Variants in SEC61A2 observed in about 807,000 individuals in gnomAD.
The protein encoded by SEC61A2 is SEC61 translocon subunit alpha 2.
SEC61A2 carries 28 observed loss-of-function variants against 59.9 expected under a neutral mutation model. The observed-to-expected ratio is 0.47, with a 90% CI of 0.35 to 0.64. SEC61A2 has a LOEUF of 0.64. Among genes scored for constraint, SEC61A2 ranks in the 30% least tolerant of loss-of-function variants. The probability of loss-of-function intolerance (pLI) is 0.01; values close to 1 mark genes in which losing one functional copy is unlikely to be tolerated. For synonymous variants in SEC61A2, 202 were observed against 214.4 expected (o/e 0.94, Z 0.50); for missense variants, 340 against 585.9 (o/e 0.58, Z 4.33).
chr10:12,167,701 C>G (rs767173209), downstream of SEC61A2: 1 of 1,613,960 alleles, frequency 6.2e-7, no homozygotes, highest in South Asian at 1.1e-5. Context: ...CATATTTGGG[C>G]TTAAAATTTC....
chr10:12,169,497 C>T (rs1311777114), downstream of SEC61A2: 16 of 546,940 alleles, frequency 2.9e-5, no homozygotes, highest in Admixed American at 4.4e-4. The surrounding 1 kb of genome is among the most constrained non-coding windows in gnomAD (Gnocchi z 4.8). Flanking sequence ...CAAACCGAGT[C>T]GGGCCTGTGA....
Position 12,156,050 on chromosome 10 carries a change from A to C in SEC61A2, c.616+119A>C. On this transcript the variant is annotated intron_variant, in intron 7 of 11. Transcript: ENST00000298428. This position sits in a 1 kb window ranked among gnomAD's most constrained non-coding sequence, Gnocchi z 5.2. ...GGTTTGCTCTCCTAGGGGATAAGGA[A>C]TGCGAATTCTTCAAAACTTAATGAG... The C allele has an allele frequency of 1.0e-6, 1 of 983,856 alleles. No individual in the cohort carries two copies. The allele number at this position is 983,856 out of a possible 1,614,324, so 60.9% of individuals were successfully genotyped here.
rs745367283 is a variant in SEC61A2 at position 12,143,202 on chromosome 10, G to A, written c.220+7G>A. The A allele has an allele frequency of 2.7e-5, 43 of 1,597,252 alleles. No homozygotes were observed. Among genetic ancestry groups the A allele is most frequent in the African/African-American group, 8.1e-5 (6 of 74,534 alleles). On this transcript the variant is annotated splice_region_variant and intron_variant, in intron 4 of 11. Transcript: ENST00000298428. The surrounding 1 kb of genome is among the most constrained non-coding windows in gnomAD (Gnocchi z 4.8). ...ATTCTGGCTTCCAATAGAGGTATGC[G>A]TGTCTTTTCTGTCTCCACACTCCTA...
In SEC61A2 at chr10:12,154,449, A is replaced by G. The variant is rs1834351465; in HGVS notation, c.463-1329A>G. ...ACGATGCTTTCTGTGGCTGATGTTCATGGACGGCTGTTGCCTCCTGCATAG... is the reference window on the plus strand; with the variant it reads ...ACGATGCTTTCTGTGGCTGATGTTCGTGGACGGCTGTTGCCTCCTGCATAG... On this transcript the variant is annotated intron_variant, in intron 6 of 11. Transcript: ENST00000298428. The surrounding 1 kb of genome is among the most constrained non-coding windows in gnomAD (Gnocchi z 5.2). Among the ~76,000 whole-genome samples, 1 of 152,182 alleles carries G rather than the reference A, an allele frequency of 6.6e-6. No homozygotes were observed. The highest frequency in any genetic ancestry group is 1.5e-5 in the Non-Finnish European group (1 of 68,032).
At chr10:12,169,210 T>A, downstream of SEC61A2, 1 of 1,305,814 alleles carries the variant, frequency 7.7e-7, no homozygotes, top group Non-Finnish European at 1.1e-6. The surrounding 1 kb of genome is among the most constrained non-coding windows in gnomAD (Gnocchi z 4.8). Flanking sequence ...ATAGTAGCCC[T>A]CTCTCCACCT....
chr10:12,144,070 A>G (rs1482386176), intron 4 of SEC61A2, among the ~76,000 whole-genome samples: 1 of 151,976 alleles, frequency 6.6e-6, no homozygotes, highest in Admixed American at 6.6e-5. Context: ...GGTTCATGCC[A>G]TCCTCCCTCA....
rs1241849645 is a variant in SEC61A2 at position 12,145,434 on chromosome 10, G to A, written c.220+2239G>A. On this transcript the variant is annotated intron_variant, in intron 4 of 11. Coordinates refer to ENST00000298428, the MANE Select transcript of SEC61A2 (RefSeq NM_018144.4). This position sits in a 1 kb window ranked among gnomAD's most constrained non-coding sequence, Gnocchi z 4.4. ...AGTTGTTTGATTTTACACTCTCAGC[G>A]ACAGTATATGAGAATGACCATTTCT... Among the ~76,000 whole-genome samples the A allele has an allele frequency of 6.6e-6, 1 of 152,168 alleles. No homozygotes were observed.
At chr10:12,135,953 T>A in intron 2 of SEC61A2, 152 bp from the exon 3 acceptor site, 1 of 617,946 alleles carries the variant, frequency 1.6e-6, no homozygotes, top group Non-Finnish European at 2.9e-6. Context: ...ACTTTGTACC[T>A]AATAAACAAA....
In SEC61A2 at chr10:12,158,202, C is replaced by T; in HGVS notation, c.975+97C>T. 1 of 985,914 alleles carries T rather than the reference C, an allele frequency of 1.0e-6. No individual in the cohort carries two copies. Among genetic ancestry groups the T allele is most frequent in the Non-Finnish European group, 1.5e-6 (1 of 659,228 alleles). The allele number at this position is 985,914 out of a possible 1,614,324, so 61.1% of individuals were successfully genotyped here. ...AATGAGGTCGACATTGGAGCATTTG[C>T]TGTATTTTCAGATTCACTTACCTAT... On this transcript the variant is annotated intron_variant, in intron 9 of 11. Coordinates refer to ENST00000298428, the MANE Select transcript of SEC61A2 (RefSeq NM_018144.4). The surrounding 1 kb of genome is among the most constrained non-coding windows in gnomAD (Gnocchi z 5.7).
At position 12,137,330 on chromosome 10, in the gene SEC61A2, T is replaced by G. The variant is rs200466659; in HGVS notation, c.141+1160T>G. The stretch of plus-strand genomic sequence containing the variant: ...TGTTTTTTTGGTTTTTGTTTTTTGG[T>G]TTTTTTTTGAGACAGGGTCTCACTC... On this transcript the variant is annotated intron_variant, in intron 3 of 11. Coordinates refer to ENST00000298428, the MANE Select transcript of SEC61A2 (RefSeq NM_018144.4). 2.6e-5 allele frequency among the ~76,000 whole-genome samples: 4 copies of G among 151,380 alleles called. No individual in the cohort carries two copies. In the East Asian group the frequency reaches 7.7e-4, roughly 29 times the overall value.
rs1797222741 is a variant in SEC61A2, at chr10:12,161,979, CTT to C, written c.1168-233_1168-232del. 6.6e-6 allele frequency among the ~76,000 whole-genome samples: 1 copy of C among 152,030 alleles called. No homozygotes were observed. The highest frequency in any genetic ancestry group is 1.5e-5 in the Non-Finnish European group (1 of 68,018). ...TTGCAACCCTCCTGCAAAACAAAAT[CTT>C]GTTTGGTAATTGAAGAAGGGTTGAG... On this transcript the variant is annotated intron_variant, in intron 10 of 11. Coordinates refer to ENST00000298428, the MANE Select transcript of SEC61A2 (RefSeq NM_018144.4). This position sits in a 1 kb window ranked among gnomAD's most constrained non-coding sequence, Gnocchi z 5.4.
At chr10:12,146,085 A>T (rs1834130999) in intron 4 of SEC61A2, among the ~76,000 whole-genome samples, 1 of 152,114 alleles carries the variant, frequency 6.6e-6, no homozygotes. Context: ...CAATGGTGCG[A>T]TCTTGGCTCA....
chr10:12,165,300 G>A lies in SEC61A2; in HGVS notation c.*846G>A. The A allele has an allele frequency of 1.0e-6, 1 of 957,504 alleles. No individual in the cohort carries two copies. 59.3% of individuals were successfully genotyped at this position (957,504 alleles called of 1,614,324 possible). A position where few individuals can be genotyped will look rare whatever the true frequency, so the allele number is the denominator to read the frequency against. On this transcript the variant is annotated 3_prime_UTR_variant, in exon 12 of 12. Transcript: ENST00000298428. Reference sequence around the variant, plus strand: ...ATATTCATGCTAGGAATTTGTGTCTGTTGTTGTACTCACAGCAGCAACATG... The same window carrying A: ...ATATTCATGCTAGGAATTTGTGTCTATTGTTGTACTCACAGCAGCAACATG...
chr10:12,147,074 A>G (rs1007536959), intron 4 of SEC61A2, among the ~76,000 whole-genome samples: 3 of 152,060 alleles, frequency 2.0e-5, no homozygotes, highest in South Asian at 4.2e-4. Context: ...AATTTTTTGT[A>G]GAGACAGCAT....
chr10:12,140,623 T>G (rs1833996501), intron 3 of SEC61A2, among the ~76,000 whole-genome samples: 1 of 152,062 alleles, frequency 6.6e-6, no homozygotes, highest in Non-Finnish European at 1.5e-5. Flanking sequence ...TGAGATGGAG[T>G]CTCACTCTGT....
In SEC61A2 at chr10:12,161,164, A is replaced by G; in HGVS notation, c.1167+43A>G. 6.8e-7 allele frequency: 1 copy of G among 1,473,324 alleles called. No individual in the cohort carries two copies. Among genetic ancestry groups the G allele is most frequent in the South Asian group, 1.3e-5 (1 of 79,208 alleles). 91.3% of individuals were successfully genotyped at this position (1,473,324 alleles called of 1,614,324 possible). ...TTTAAAATAAAACTCTTGGCAATGC[A>G]TGGTGGCGCACATCTGTAATCGTAG... On this transcript the variant is annotated intron_variant, in intron 10 of 11. Coordinates refer to ENST00000298428, the MANE Select transcript of SEC61A2 (RefSeq NM_018144.4). The surrounding 1 kb of genome is among the most constrained non-coding windows in gnomAD (Gnocchi z 5.4).
intron 4 of SEC61A2, among the ~76,000 whole-genome samples, chr10:12,148,451 G>A (rs1483078436): frequency 6.7e-6 from 1 of 150,130 alleles, no homozygotes; most frequent in Admixed American, 6.7e-5. Context: ...TTCCATGTTG[G>A]TCAGGCTGGT....
At chr10:12,163,315 T>G (rs1236500971) in intron 11 of SEC61A2, among the ~76,000 whole-genome samples, 9 of 4,736 alleles carry the variant, frequency 1.9e-3, no homozygotes, top group Admixed American at 0.011. Flanking sequence ...CAGCTAGCTT[T>G]TTTTTTTTTT....
At chr10:12,146,549 G>A (rs1048717661) in intron 4 of SEC61A2, among the ~76,000 whole-genome samples, 10 of 150,524 alleles carry the variant, frequency 6.6e-5, no homozygotes, top group African/African-American at 2.2e-4. Flanking sequence ...ACGGAGTCTC[G>A]CTCTGTCACC....
Sources: gnomAD v4.1 joint callset for allele counts (sites outside exome capture counted in the v4.1 genomes callset) on GRCh38, gnomAD v4.1.1 for gene constraint, Gnocchi (gnomAD v3.1) non-coding constraint, MANE v1.5 for transcripts, NCBI Gene and HGNC (gene_info 2026-07-23, HGNC 2026-07-21) for gene names.